DIDO1: variants seen among roughly 807,000 people sequenced by gnomAD.
DIDO1 encodes the protein death inducer-obliterator 1.
A neutral mutation model predicts 99.4 loss-of-function variants in DIDO1; 16 were observed. The observed-to-expected ratio is 0.16, with a 90% CI of 0.11 to 0.24. The LOEUF (loss-of-function observed/expected upper bound fraction) is 0.24. Ranked by LOEUF, DIDO1 falls within the 10% of genes least tolerant of loss-of-function variation. DIDO1 has a pLI of 1.00. For synonymous variants in DIDO1, 1,366 were observed against 1,239.1 expected, an observed-to-expected ratio of 1.10 and a Z score of -2.15; for missense variants, 2,996 against 3,014.0, an observed-to-expected ratio of 0.99 and a Z score of 0.14.
chr20:62,901,687 G>T (rs10854167), intron 6 of DIDO1, among the ~76,000 whole-genome samples: 1 of 151,808 alleles, frequency 6.6e-6, no homozygotes, highest in Admixed American at 6.6e-5. Flanking sequence ...ACTCTTCCAG[G>T]TTTGCGGCAA....
At chr20:62,935,788 C>T (rs1304142133) in intron 1 of DIDO1, among the ~76,000 whole-genome samples, 3 of 152,202 alleles carry the variant, frequency 2.0e-5, no homozygotes, top group Non-Finnish European at 4.4e-5. Flanking sequence ...GGAGAGATCA[C>T]CCTGTCTGCT....
At chr20:62,890,117 T>C in intron 15 of DIDO1, 1 of 985,806 alleles carries the variant, frequency 1.0e-6, no homozygotes, top group Non-Finnish European at 1.2e-6. Flanking sequence ...CAGAGGGCAC[T>C]GAGGCACAGG....
intron 15 of DIDO1, chr20:62,890,163 C>T (rs2273083): frequency 0.36 from 355,328 of 985,656 alleles, 67,300 homozygotes; most frequent in African/African-American, 0.68. Flanking sequence ...CGAAGCACTT[C>T]AGAGGACACT....
chr20:62,898,781 G>C (rs1423663516), intron 6 of DIDO1, among the ~76,000 whole-genome samples: 2 of 152,224 alleles, frequency 1.3e-5, no homozygotes, highest in African/African-American at 4.8e-5. Context: ...AACACGACAG[G>C]AACAAAGGTG....
In DIDO1 at chr20:62,920,478, A is replaced by G. The variant is rs114547705; in HGVS notation, c.-200+5961T>C. On this transcript the variant is annotated intron_variant, in intron 1 of 15. Coordinates refer to ENST00000395343, the MANE Select transcript of DIDO1 (RefSeq NM_001193369.2). The stretch of plus-strand genomic sequence containing the variant: ...ACAGCTTTACCGGTGACAGCGCATC[A>G]GATTGATTCCACACTTGCCCCAAGG... 3.8e-3 allele frequency among the ~76,000 whole-genome samples: 579 copies of G among 152,388 alleles called. 4 individuals carry two copies. The highest frequency in any genetic ancestry group is 0.014 in the African/African-American group (568 of 41,586).
At chr20:62,920,359 T>C (rs1484108097) in intron 1 of DIDO1, among the ~76,000 whole-genome samples, 1 of 152,200 alleles carries the variant, frequency 6.6e-6, no homozygotes, top group Non-Finnish European at 1.5e-5. Flanking sequence ...AAGCACAGCC[T>C]ACTCTTGCCT....
At chr20:62,936,032 G>A (rs1417449645) in intron 1 of DIDO1, among the ~76,000 whole-genome samples, 1 of 152,230 alleles carries the variant, frequency 6.6e-6, no homozygotes, top group Admixed American at 6.5e-5. Context: ...CACTGAGACA[G>A]CCTCTTTGGA....
chr20:62,911,268 C>G lies in DIDO1; in HGVS notation c.345G>C (p.Val115=). The change falls in exon 3 of 16, where the codon GTG becomes GTC. Residue 115 remains valine (V), a synonymous_variant. Transcript: ENST00000395343. The surrounding 1 kb of genome is among the most constrained non-coding windows in gnomAD (Gnocchi z 7.0). ...TDAETASEGS[V]ESASETRSGP... ...CGCTTCTGGTCTCAGAAGCGCTTTCCACGCTGCCCTCGGAGGCTGTCTCGG... is the reference window on the plus strand; with the variant it reads ...CGCTTCTGGTCTCAGAAGCGCTTTCGACGCTGCCCTCGGAGGCTGTCTCGG... The G allele has an allele frequency of 1.2e-6, 2 of 1,612,958 alleles. No individual in the cohort carries two copies. Among genetic ancestry groups the G allele is most frequent in the Non-Finnish European group, 1.7e-6 (2 of 1,180,024 alleles).
chr20:62,892,957 G>T lies in DIDO1; in HGVS notation c.3107C>A (p.Ser1036Ter). Residue 1036 changes from serine (S) to a stop codon, truncating the protein, a stop_gained, in exon 13 of 16, where the codon TCA (serine) becomes TAA (stop). Coordinates refer to ENST00000395343, the MANE Select transcript of DIDO1 (RefSeq NM_001193369.2). LOFTEE classifies it high-confidence loss of function. ...TCCCTCTGGAGGGGAACGTGATTCT[G>T]AAGTGCTGTAAAACAAAACCATAAA... ...SVPPSPNIST[S>*]ESRSPPEGDT... The T allele has an allele frequency of 6.2e-7, 1 of 1,610,898 alleles. No individual in the cohort carries two copies. Among genetic ancestry groups the T allele is most frequent in the Non-Finnish European group, 8.5e-7 (1 of 1,177,992 alleles).
In DIDO1 at chr20:62,880,186, C is replaced by T. The variant is rs2064174889; in HGVS notation, c.5770G>A (p.Val1924Met). The change falls in exon 16 of 16, where the codon GTG becomes ATG. Residue 1924 changes from valine (V) to methionine (M), a missense_variant. Physicochemically the swap from Val to Met is conservative, Grantham distance 21. Coordinates refer to ENST00000395343, the MANE Select transcript of DIDO1 (RefSeq NM_001193369.2). ...GQRGPPPGHF[V>M]GPRGPHPSQF... ...CTAGGATGGGGCCCTCTTGGGCCCA[C>T]GAAATGACCAGGGGGTGGTCCTCTC... is the stretch of plus-strand genomic sequence containing the variant. 2 of 1,612,190 alleles carry T rather than the reference C, an allele frequency of 1.2e-6. No homozygotes were observed. Among genetic ancestry groups the T allele is most frequent in the Non-Finnish European group, 1.7e-6 (2 of 1,179,758 alleles).
intron 6 of DIDO1, among the ~76,000 whole-genome samples, chr20:62,899,165 C>T (rs1019298789): frequency 1.3e-5 from 2 of 152,116 alleles, no homozygotes; most frequent in African/African-American, 2.4e-5. Context: ...AGACACCTGC[C>T]GGGAAGCCAA....
At position 62,896,369 on chromosome 20, in the gene DIDO1, A is replaced by C; in HGVS notation, c.2078T>G (p.Ile693Ser). 1 of 1,614,078 alleles carries C rather than the reference A, an allele frequency of 6.2e-7. No homozygotes were observed. Residue 693 changes from isoleucine (I) to serine (S), a missense_variant, in exon 8 of 16, where the codon ATC becomes AGC. By Grantham distance (142) the Ile-to-Ser change is moderately radical. Coordinates refer to ENST00000395343, the MANE Select transcript of DIDO1 (RefSeq NM_001193369.2). This position sits in a 1 kb window ranked among gnomAD's most constrained non-coding sequence, Gnocchi z 4.4. Reference protein sequence around the residue: ...WKRVNDSDDLIMTENEVGKIA... With the variant: ...WKRVNDSDDLSMTENEVGKIA... ...TTTTCCTACTTCGTTTTCTGTCATGATTAAGTCATCGCTGTCATTGACTCT... is the reference window on the plus strand; with the variant it reads ...TTTTCCTACTTCGTTTTCTGTCATGCTTAAGTCATCGCTGTCATTGACTCT...
chr20:62,921,907 A>AAT (rs899716630), intron 1 of DIDO1, among the ~76,000 whole-genome samples: 12 of 149,534 alleles, frequency 8.0e-5, no homozygotes, highest in African/African-American at 3.0e-4. Context: ...ATATATCCAC[A>AAT]ATATATATAC....
chr20:62,883,865 C>T (rs112195633), intron 15 of DIDO1, among the ~76,000 whole-genome samples: 6,925 of 150,008 alleles, frequency 0.046, 541 homozygotes, highest in African/African-American at 0.16. Flanking sequence ...ATTAGCCAGG[C>T]GTGGTGGCGT....
chr20:62,922,676 C>T (rs938406821), intron 1 of DIDO1, among the ~76,000 whole-genome samples: 4 of 152,188 alleles, frequency 2.6e-5, no homozygotes, highest in Non-Finnish European at 4.4e-5. Flanking sequence ...AAATCATCTG[C>T]GGCAAGTGTG....
At chr20:62,929,692 A>AAAAAAAAAAATATATATATAT, upstream of DIDO1, among the ~76,000 whole-genome samples, 26 of 63,720 alleles carry the variant, frequency 4.1e-4, 1 homozygote, top group African/African-American at 2.0e-3. Context: ...AAAAAGAAAA[A>AAAAAAAAAAATATATATATAT]GTGTATATAT....
In DIDO1 at chr20:62,878,993, G is replaced by A. The variant is rs181776765; in HGVS notation, c.*240C>T. 4.6e-6 allele frequency: 2 copies of A among 436,468 alleles called. No individual in the cohort carries two copies. Among genetic ancestry groups the A allele is most frequent in the East Asian group, 3.6e-5 (1 of 27,750 alleles). The allele number at this position is 436,468 out of a possible 1,614,324, so 27.0% of individuals were successfully genotyped here. On this transcript the variant is annotated 3_prime_UTR_variant, in exon 16 of 16. Coordinates refer to ENST00000395343, the MANE Select transcript of DIDO1 (RefSeq NM_001193369.2). ...TATGATCTGAAAAGCAATATGCTCC[G>A]TAGGCAATTTCCCATTTCTTTTAAT... is the stretch of plus-strand genomic sequence containing the variant.
At chr20:62,920,289 C>T (rs139170460) in intron 1 of DIDO1, among the ~76,000 whole-genome samples, 2 of 152,318 alleles carry the variant, frequency 1.3e-5, no homozygotes, top group East Asian at 3.9e-4. Context: ...GTTTAAATCA[C>T]TGTTCCTTTA....
Position 62,880,890 on chromosome 20 carries a change from G to A in DIDO1, c.5066C>T (p.Ala1689Val), listed in dbSNP as rs141503554. The change falls in exon 16 of 16, where the codon GCG becomes GTG. Residue 1689 changes from alanine to valine, a missense_variant. Around this residue, in one of 5 missense-constraint regions of DIDO1, gnomAD observed 1,562 missense variants for 1,412.6 expected, o/e 1.11. Coordinates refer to ENST00000395343, the MANE Select transcript of DIDO1 (RefSeq NM_001193369.2). ...TGAGCCGAGAGCCTTGTCCTGCGAC[G>A]CGAACCCCGGGCAGGTGAAAGGGTC... The part of the protein sequence containing the change: ...ERDPFTCPGF[A>V]SQDKALGSAQ... 200 of 1,611,986 alleles carry A rather than the reference G, an allele frequency of 1.2e-4. No individual in the cohort carries two copies. The African/African-American group carries it at 2.2e-3, about 18-fold the overall frequency.
Sources: allele counts gnomAD v4.1 joint callset (sites outside exome capture counted in the v4.1 genomes callset), GRCh38; gene constraint gnomAD v4.1.1; regional missense constraint gnomAD v4.1.1; non-coding constraint Gnocchi (gnomAD v3.1); transcripts MANE v1.5; gene names NCBI Gene and HGNC (gene_info 2026-07-23, HGNC 2026-07-21).